The following SH3BGRL variants were observed in gnomAD, a reference collection of about 807,000 sequenced individuals.
SH3BGRL encodes SH3 domain binding glutamate rich protein like.
SH3BGRL carries 7 observed loss-of-function variants against 9.8 expected under a neutral mutation model. The ratio of observed to expected loss-of-function variants is 0.72; its 90% CI spans 0.41 to 1.35. The LOEUF (loss-of-function observed/expected upper bound fraction) is 1.35. Among genes scored for constraint, SH3BGRL ranks in the 40% most tolerant of loss-of-function variants. SH3BGRL has a pLI of 0.01. For missense variants in SH3BGRL, 73 were observed against 84.4 expected, an observed-to-expected ratio of 0.86 and a Z score of 0.53; for synonymous variants, 36 against 29.1, an observed-to-expected ratio of 1.24 and a Z score of -0.76.
intron 1 of SH3BGRL, among the ~76,000 whole-genome samples, chrX:81,219,074 G>T (rs996138146): frequency 3.7e-5 from 4 of 109,562 alleles, no homozygotes; most frequent in African/African-American, 1.3e-4. Flanking sequence ...CCCTGGCCTT[G>T]CTAGAGATCT....
At chrX:81,236,679 C>T (rs2075649041) in intron 1 of SH3BGRL, among the ~76,000 whole-genome samples, 1 of 111,580 alleles carries the variant, frequency 9.0e-6, no homozygotes, top group Admixed American at 9.5e-5. Context: ...GAAGACTGAG[C>T]CATGTATTTC....
In SH3BGRL at chrX:81,297,384, A is replaced by T; in HGVS notation, c.*157A>T. Reference sequence around the variant, plus strand: ...AAACATTCAAAATGAATACAAAATTAAAATTTGAACATTATGGTGATTATG... The same window carrying T: ...AAACATTCAAAATGAATACAAAATTTAAATTTGAACATTATGGTGATTATG... On this transcript the variant is annotated 3_prime_UTR_variant, in exon 4 of 4. Coordinates refer to ENST00000373212, the MANE Select transcript of SH3BGRL (RefSeq NM_003022.3). 2.3e-6 allele frequency: 1 copy of T among 440,505 alleles called. No homozygotes were observed. The highest frequency in any genetic ancestry group is 3.9e-6 in the Non-Finnish European group (1 of 255,043). The allele number at this position is 440,505 out of a possible 1,213,427, so 36.3% of individuals were successfully genotyped here.
intron 3 of SH3BGRL, among the ~76,000 whole-genome samples, chrX:81,286,992 G>T (rs1386599281): frequency 1.8e-5 from 2 of 111,481 alleles, no homozygotes; most frequent in Non-Finnish European, 3.8e-5. Context: ...GATGAATTTT[G>T]TTCTGGATTT....
At chrX:81,295,012 G>C (rs1217144465) in intron 3 of SH3BGRL, among the ~76,000 whole-genome samples, 1 of 112,265 alleles carries the variant, frequency 8.9e-6, no homozygotes. Flanking sequence ...CCCAATGCCT[G>C]TACCATCGTT....
chrX:81,271,802 C>T (rs1426442985), intron 1 of SH3BGRL, among the ~76,000 whole-genome samples: 3 of 110,807 alleles, frequency 2.7e-5, no homozygotes, highest in African/African-American at 6.6e-5. Flanking sequence ...CATCAGATTA[C>T]GTTGCATTGT....
At chrX:81,236,461 C>A (rs762632308) in intron 1 of SH3BGRL, among the ~76,000 whole-genome samples, 1 of 111,300 alleles carries the variant, frequency 9.0e-6, no homozygotes, top group East Asian at 2.8e-4. Context: ...ATAAACATTC[C>A]ATTGTTTCTC....
At chrX:81,280,808 A>G (rs1258103726) in intron 3 of SH3BGRL, among the ~76,000 whole-genome samples, 1 of 111,486 alleles carries the variant, frequency 9.0e-6, no homozygotes, top group African/African-American at 3.3e-5. Context: ...GCAATGATCC[A>G]AATCAAGAAG....
intron 1 of SH3BGRL, among the ~76,000 whole-genome samples, chrX:81,253,972 T>A (rs2075718257): frequency 9.0e-6 from 1 of 111,442 alleles, no homozygotes; most frequent in Non-Finnish European, 1.9e-5. Context: ...TAAAAGAAAA[T>A]GCTGATACTC....
intron 3 of SH3BGRL, among the ~76,000 whole-genome samples, chrX:81,289,890 T>G (rs1329653945): frequency 2.7e-5 from 3 of 112,044 alleles, no homozygotes; most frequent in East Asian, 5.6e-4. Context: ...GGAAAAATTC[T>G]AATAATCCAA....
chrX:81,235,473 C>G (rs766708369), intron 1 of SH3BGRL, among the ~76,000 whole-genome samples: 7 of 109,688 alleles, frequency 6.4e-5, no homozygotes, highest in Admixed American at 2.0e-4. Flanking sequence ...AAAAGTAGAA[C>G]GTAAGAAAGG....
chrX:81,264,657 T>C (rs1475038542), intron 1 of SH3BGRL, among the ~76,000 whole-genome samples: 1 of 110,874 alleles, frequency 9.0e-6, no homozygotes, highest in African/African-American at 3.3e-5. Context: ...GAAACTTCAC[T>C]GTCTTCATTA....
At chrX:81,295,592 C>G (rs966171662) in intron 3 of SH3BGRL, among the ~76,000 whole-genome samples, 2 of 111,338 alleles carry the variant, frequency 1.8e-5, no homozygotes, top group East Asian at 2.8e-4. Context: ...TCAAAGCTGT[C>G]CTGGGCAGCA....
At chrX:81,287,027 A>C (rs1318649925) in intron 3 of SH3BGRL, among the ~76,000 whole-genome samples, 2 of 111,848 alleles carry the variant, frequency 1.8e-5, no homozygotes, top group African/African-American at 6.5e-5. Flanking sequence ...TCTCCCATTA[A>C]AAATGATAAC....
chrX:81,251,059 A>G (rs2075708453), intron 1 of SH3BGRL, among the ~76,000 whole-genome samples: 1 of 112,211 alleles, frequency 8.9e-6, no homozygotes, highest in Non-Finnish European at 1.9e-5. Context: ...GAAACCTCCT[A>G]AGACTTTTCA....
intron 3 of SH3BGRL, among the ~76,000 whole-genome samples, chrX:81,284,846 G>A (rs1271317426): frequency 9.0e-6 from 1 of 110,648 alleles, no homozygotes; most frequent in Non-Finnish European, 1.9e-5. Context: ...GCTAAGCAGG[G>A]CCCAGCAGTA....
At chrX:81,238,384 G>T (rs2075655520) in intron 1 of SH3BGRL, among the ~76,000 whole-genome samples, 2 of 112,557 alleles carry the variant, frequency 1.8e-5, no homozygotes, top group Non-Finnish European at 3.8e-5. Context: ...TGGTGGCAGT[G>T]GCCACGGGGT....
intron 1 of SH3BGRL, among the ~76,000 whole-genome samples, chrX:81,274,489 T>A (rs2075791598): frequency 9.1e-6 from 1 of 110,242 alleles, no homozygotes; most frequent in African/African-American, 3.3e-5. Flanking sequence ...TGTGCGCCTG[T>A]AATCCCAGCT....
At chrX:81,223,468 A>G (rs1569358691) in intron 1 of SH3BGRL, among the ~76,000 whole-genome samples, 1 of 110,780 alleles carries the variant, frequency 9.0e-6, no homozygotes, top group Non-Finnish European at 1.9e-5. Flanking sequence ...AAAATACTCA[A>G]CTCTGTAGAG....
At chrX:81,204,086 T>G (rs2075538422) in intron 1 of SH3BGRL, among the ~76,000 whole-genome samples, 1 of 111,664 alleles carries the variant, frequency 9.0e-6, no homozygotes, top group Non-Finnish European at 1.9e-5. Flanking sequence ...CCCATCTTTG[T>G]TGGACTTTAT....
Sources: allele counts gnomAD v4.1 joint callset (sites outside exome capture counted in the v4.1 genomes callset), GRCh38; gene constraint gnomAD v4.1.1; transcripts MANE v1.5; gene names NCBI Gene and HGNC (gene_info 2026-07-23, HGNC 2026-07-21).